The following MLLT3 variants were observed in gnomAD, a reference collection of about 807,000 sequenced individuals.
MLLT3 encodes MLLT3 super elongation complex subunit.
In MLLT3, 4 loss-of-function variants were observed where a neutral mutation model predicts 53.2. The observed-to-expected ratio is 0.08, with a 90% confidence interval of 0.04 to 0.17. The LOEUF (loss-of-function observed/expected upper bound fraction) is 0.17. Among genes scored for constraint, MLLT3 ranks in the 10% least tolerant of loss-of-function variants. The pLI, the probability that MLLT3 is intolerant of heterozygous loss-of-function variation, is 1.00. For missense variants in MLLT3, 569 were observed against 684.0 expected (o/e 0.83, Z 1.87); for synonymous variants, 283 against 230.6 (o/e 1.23, Z -2.06).
At chr9:20,506,577 A>G (rs952446841) in intron 2 of MLLT3, among the ~76,000 whole-genome samples, 1 of 152,184 alleles carries the variant, frequency 6.6e-6, no homozygotes, top group Non-Finnish European at 1.5e-5. Flanking sequence ...ATTTCCAGTT[A>G]TTATGCATTC....
chr9:20,522,327 G>A (rs991579375), intron 2 of MLLT3, among the ~76,000 whole-genome samples: 1 of 151,328 alleles, frequency 6.6e-6, no homozygotes, highest in African/African-American at 2.4e-5. Context: ...ATAGTTCTGT[G>A]CTGTATTTAA....
At chr9:20,568,031 C>A (rs899235033) in intron 2 of MLLT3, among the ~76,000 whole-genome samples, 2 of 152,012 alleles carry the variant, frequency 1.3e-5, no homozygotes, top group African/African-American at 4.8e-5. Flanking sequence ...AATTAATAAA[C>A]CTTAGTTAAG....
intron 2 of MLLT3, among the ~76,000 whole-genome samples, chr9:20,561,652 C>G (rs1396501921): frequency 6.6e-6 from 1 of 152,142 alleles, no homozygotes; most frequent in Non-Finnish European, 1.5e-5. Flanking sequence ...CTCCAACAGA[C>G]CTGGTTGGCA....
chr9:20,542,910 A>C (rs1818680449), intron 2 of MLLT3, among the ~76,000 whole-genome samples: 1 of 152,258 alleles, frequency 6.6e-6, no homozygotes, highest in Admixed American at 6.5e-5. Flanking sequence ...AACTTGCTGC[A>C]GCTTCTACGT....
chr9:20,433,958 C>CAAAAAAAAA (rs773196575), intron 4 of MLLT3, among the ~76,000 whole-genome samples: 133 of 133,862 alleles, frequency 9.9e-4, no homozygotes, highest in East Asian at 3.9e-3. Context: ...ACTAAAAATA[C>CAAAAAAAAA]AAAAAAAAAA....
intron 2 of MLLT3, among the ~76,000 whole-genome samples, chr9:20,596,735 A>G (rs2131192322): frequency 6.6e-6 from 1 of 152,264 alleles, no homozygotes; most frequent in South Asian, 2.1e-4. Context: ...GCTGCTTGAA[A>G]ACATTAAAAA....
chr9:20,535,565 T>C (rs986354504), intron 2 of MLLT3, among the ~76,000 whole-genome samples: 11 of 152,048 alleles, frequency 7.2e-5, no homozygotes, highest in African/African-American at 2.7e-4. Context: ...TCATAAAATA[T>C]TTGAGTAATG....
At chr9:20,609,249 T>G (rs1820642151) in intron 2 of MLLT3, among the ~76,000 whole-genome samples, 1 of 152,100 alleles carries the variant, frequency 6.6e-6, no homozygotes, top group East Asian at 1.9e-4. Flanking sequence ...TTATACAGCA[T>G]GTTACAACTG....
intron 2 of MLLT3, among the ~76,000 whole-genome samples, chr9:20,618,776 T>G (rs1245790320): frequency 6.6e-6 from 1 of 151,932 alleles, no homozygotes; most frequent in African/African-American, 2.4e-5. Flanking sequence ...GTATAGGAAA[T>G]AAAAATAACA....
chr9:20,511,429 T>C (rs997679326), intron 2 of MLLT3, among the ~76,000 whole-genome samples: 3 of 152,230 alleles, frequency 2.0e-5, no homozygotes, highest in Non-Finnish European at 2.9e-5. Flanking sequence ...ATTTTAAGTA[T>C]AACACAATGA....
intron 5 of MLLT3, among the ~76,000 whole-genome samples, chr9:20,375,669 G>A (rs919569677): frequency 6.8e-6 from 1 of 146,384 alleles, no homozygotes; most frequent in Non-Finnish European, 1.5e-5. Context: ...GTGCAGTGGC[G>A]CGGTTCTCAG....
intron 2 of MLLT3, among the ~76,000 whole-genome samples, chr9:20,489,901 C>T (rs1306221434): frequency 6.6e-6 from 1 of 152,066 alleles, no homozygotes. Flanking sequence ...AATACTTTTT[C>T]TGAGTCAGGG....
intron 2 of MLLT3, among the ~76,000 whole-genome samples, chr9:20,503,826 A>T (rs544698930): frequency 6.6e-6 from 1 of 152,326 alleles, no homozygotes; most frequent in South Asian, 2.1e-4. Context: ...AATATCCAAA[A>T]TATATGAGGA....
chr9:20,464,363 A>T (rs751778268), intron 2 of MLLT3, among the ~76,000 whole-genome samples: 361 of 152,212 alleles, frequency 2.4e-3, no homozygotes, highest in Non-Finnish European at 3.8e-3. Flanking sequence ...CCTGCTAAGT[A>T]CAAGTTCTAT....
At chr9:20,518,302 C>T (rs750814233) in intron 2 of MLLT3, among the ~76,000 whole-genome samples, 75 of 152,096 alleles carry the variant, frequency 4.9e-4, no homozygotes, top group South Asian at 1.7e-3. Flanking sequence ...GCCAAGATCG[C>T]GCCATTGCAC....
chr9:20,403,463 T>C (rs1189456737), intron 5 of MLLT3, among the ~76,000 whole-genome samples: 3 of 152,032 alleles, frequency 2.0e-5, no homozygotes, highest in Non-Finnish European at 4.4e-5. Flanking sequence ...TTGGAGGAGG[T>C]AAACTATTAG....
At chr9:20,575,317 C>T (rs1405665852) in intron 2 of MLLT3, among the ~76,000 whole-genome samples, 1 of 152,154 alleles carries the variant, frequency 6.6e-6, no homozygotes, top group Admixed American at 6.6e-5. Flanking sequence ...AGAGAAATTA[C>T]TATCTATGGC....
At chr9:20,487,882 G>A (rs1050394659) in intron 2 of MLLT3, among the ~76,000 whole-genome samples, 1 of 152,084 alleles carries the variant, frequency 6.6e-6, no homozygotes, top group Admixed American at 6.5e-5. Flanking sequence ...ATGAATATCA[G>A]TAAAACTCAT....
At chr9:20,491,318 T>C (rs2118922644) in intron 2 of MLLT3, among the ~76,000 whole-genome samples, 1 of 152,184 alleles carries the variant, frequency 6.6e-6, no homozygotes, top group South Asian at 2.1e-4. Context: ...TGAAAGTAAT[T>C]TTTAAAAACC....
Sources: gnomAD v4.1 joint callset for allele counts (sites outside exome capture counted in the v4.1 genomes callset) on GRCh38, gnomAD v4.1.1 for gene constraint, MANE v1.5 for transcripts, NCBI Gene and HGNC (gene_info 2026-07-23, HGNC 2026-07-21) for gene names.